The following EIF4G1 variants were observed in gnomAD, a reference collection of about 807,000 sequenced individuals.
EIF4G1 encodes the protein eukaryotic translation initiation factor 4 gamma 1.
EIF4G1 carries 4 observed loss-of-function variants against 187.8 expected under a neutral mutation model. The observed-to-expected ratio is 0.02, with a 90% CI of 0.01 to 0.05. The LOEUF is 0.05. Ranked by LOEUF, EIF4G1 falls within the 10% of genes least tolerant of loss-of-function variation. The probability of loss-of-function intolerance (pLI) is 1.00; values close to 1 mark genes in which losing one functional copy is unlikely to be tolerated. For synonymous variants in EIF4G1, 844 were observed against 781.4 expected (o/e 1.08, Z -1.34); for missense variants, 1,647 against 2,081.1 (o/e 0.79, Z 4.06).
At chr3:184,324,426 G>T in intron 17 of EIF4G1, 79 bp downstream of exon 17, 1 of 1,602,748 alleles carries the variant, frequency 6.2e-7, no homozygotes, top group South Asian at 1.1e-5. Flanking sequence ...TGTAGAATTT[G>T]GAATGGAGGT....
At chr3:184,331,154 A>G (rs1577255244) in intron 28 of EIF4G1, 112 bp from the exon 29 acceptor site, 1 of 1,154,224 alleles carries the variant, frequency 8.7e-7, no homozygotes, top group Admixed American at 1.7e-5. Flanking sequence ...CTTAATGCCT[A>G]GCAAGTACCT....
intron 26 of EIF4G1, 178 bp from the exon 27 acceptor site, chr3:184,328,452 GT>G: frequency 2.3e-6 from 2 of 880,114 alleles, no homozygotes; most frequent in Non-Finnish European, 3.7e-6. Flanking sequence ...ACTTTAGGGG[GT>G]TAAGCGGGGT....
Position 184,325,159 on chromosome 3 carries a change from G to C in EIF4G1, c.2856+45G>C. 2 of 1,604,132 alleles carry C rather than the reference G, an allele frequency of 1.2e-6. No individual in the cohort carries two copies. Among genetic ancestry groups the C allele is most frequent in the Non-Finnish European group, 1.7e-6 (2 of 1,170,982 alleles). ...GAGGGGGATGGGCTGAAGCATATGT[G>C]GGGCTCACTGAGCCCACAATGATGG... On this transcript the variant is annotated intron_variant, in intron 18 of 32. Coordinates refer to ENST00000346169, the MANE Select transcript of EIF4G1 (RefSeq NM_198241.3). This position sits in a 1 kb window ranked among gnomAD's most constrained non-coding sequence, Gnocchi z 5.2.
intron 6 of EIF4G1, among the ~76,000 whole-genome samples, chr3:184,318,186 C>T (rs917362101): frequency 6.6e-5 from 10 of 152,130 alleles, no homozygotes; most frequent in African/African-American, 2.4e-4. Context: ...TTAGTCTGTT[C>T]TTTATGGCAG....
rs1577233046 is a variant in EIF4G1 at position 184,326,874 on chromosome 3, T to A, written c.3326-7T>A. Reference sequence around the variant, plus strand: ...AAGATTTTAATACGGATTTTCTGCATCCCCAGCATCAGAAGCTGCTCGCCC... The same window carrying A: ...AAGATTTTAATACGGATTTTCTGCAACCCCAGCATCAGAAGCTGCTCGCCC... On this transcript the variant is annotated splice_region_variant and splice_polypyrimidine_tract_variant and intron_variant, in intron 22 of 32. Transcript: ENST00000346169. 6.2e-7 allele frequency: 1 copy of A among 1,614,048 alleles called. No homozygotes were observed. Among genetic ancestry groups the A allele is most frequent in the African/African-American group, 1.3e-5 (1 of 74,912 alleles).
Position 184,335,148 on chromosome 3 carries a change from C to T in EIF4G1, c.*240C>T, listed in dbSNP as rs182207566. On this transcript the variant is annotated 3_prime_UTR_variant, in exon 33 of 33. Coordinates refer to ENST00000346169, the MANE Select transcript of EIF4G1 (RefSeq NM_198241.3). ...CACAGAGATATATTATATATAAAGT[C>T]TTGAAATTTGGTGTGTCTTGGGGTG... The T allele has an allele frequency of 1.8e-6, 1 of 540,808 alleles. No individual in the cohort carries two copies. Among genetic ancestry groups the T allele is most frequent in the East Asian group, 3.3e-5 (1 of 30,498 alleles). The allele number at this position is 540,808 out of a possible 1,614,324, so 33.5% of individuals were successfully genotyped here. A position where few individuals can be genotyped will look rare whatever the true frequency, so the allele number is the denominator to read the frequency against.
In EIF4G1 at chr3:184,317,714, C is replaced by T; in HGVS notation, c.325-3C>T. On this transcript the variant is annotated splice_polypyrimidine_tract_variant and splice_region_variant and intron_variant, in intron 5 of 32. Coordinates refer to ENST00000346169, the MANE Select transcript of EIF4G1 (RefSeq NM_198241.3). ...TTCTCTCCCTCTCCCCCTTCCCCAC[C>T]AGGGGCGTTCCACATACGTTGTCCC... 2 of 1,613,488 alleles carry T rather than the reference C, an allele frequency of 1.2e-6. No homozygotes were observed. The highest frequency in any genetic ancestry group is 2.2e-5 in the South Asian group (2 of 91,068).
intron 6 of EIF4G1, among the ~76,000 whole-genome samples, chr3:184,318,750 G>A (rs1034554595): frequency 4.6e-5 from 7 of 151,870 alleles, no homozygotes; most frequent in Non-Finnish European, 1.0e-4. Context: ...GATTACAGGC[G>A]TGTGCCACCA....
At chr3:184,318,113 GC>G (rs1336261807) in intron 6 of EIF4G1, among the ~76,000 whole-genome samples, 4 of 152,184 alleles carry the variant, frequency 2.6e-5, no homozygotes, top group Non-Finnish European at 4.4e-5. Flanking sequence ...ATGGTTGGGA[GC>G]CCATGTAATG....
intron 3 of EIF4G1, 48 bp downstream of exon 3, chr3:184,315,904 G>C (rs1394127831): frequency 7.1e-7 from 1 of 1,405,020 alleles, no homozygotes; most frequent in South Asian, 1.2e-5. Flanking sequence ...AGACCAGGCA[G>C]TCTCCAGCCT....
At position 184,335,075 on chromosome 3, in the gene EIF4G1, G is replaced by C. The variant is rs1355306225; in HGVS notation, c.*167G>C. 6.7e-6 allele frequency: 6 copies of C among 892,164 alleles called. No individual in the cohort carries two copies. Among genetic ancestry groups the C allele is most frequent in the African/African-American group, 1.7e-5 (1 of 60,068 alleles). 55.3% of individuals were successfully genotyped at this position (892,164 alleles called of 1,614,324 possible). On this transcript the variant is annotated 3_prime_UTR_variant, in exon 33 of 33. Transcript: ENST00000346169. ...GAGGCAGGATGGCTTGGGGCTGCCT[G>C]GGCCCCCCTCCAGGATGCCGCCAGG...
Position 184,332,056 on chromosome 3 carries a change from G to T in EIF4G1, c.4588G>T (p.Ala1530Ser). 1 of 1,614,210 alleles carries T rather than the reference G, an allele frequency of 6.2e-7. No individual in the cohort carries two copies. The highest frequency in any genetic ancestry group is 8.5e-7 in the Non-Finnish European group (1 of 1,180,042). ...GCTACAGGCGCTCTACGCCCTCCAG[G>T]CCCTTGTAGTGACCTTAGAACAGCC... ...KELQALYALQ[A>S]LVVTLEQPPN... The change falls in exon 32 of 33, where the codon GCC becomes TCC. Residue 1530 changes from alanine to serine, a missense_variant. By Grantham distance (99) the Ala-to-Ser change is moderately conservative. Coordinates refer to ENST00000346169, the MANE Select transcript of EIF4G1 (RefSeq NM_198241.3).
chr3:184,326,976 G>A lies in EIF4G1; in HGVS notation c.3421G>A (p.Val1141Met), dbSNP rs779222762. The A allele has an allele frequency of 3.7e-6, 6 of 1,614,100 alleles. No individual in the cohort carries two copies. Among genetic ancestry groups the A allele is most frequent in the Middle Eastern group, 1.6e-4 (1 of 6,082 alleles). Residue 1141 changes from valine (V) to methionine (M), a missense_variant, in exon 23 of 33, where the codon GTG becomes ATG. By Grantham distance (21) the Val-to-Met change is conservative. Around this residue, in one of 11 missense-constraint regions of EIF4G1, gnomAD observed 543 missense variants for 638.0 expected, o/e 0.85. Transcript: ENST00000346169. ...AGAAAGCACAGATAATAGACGTGTG[G>A]TGCAGAGGTGAGGTTTCCTGGACAT... is the stretch of plus-strand genomic sequence containing the variant. Reference protein sequence around the residue: ...PTESTDNRRVVQRSSLSRERG... With the variant: ...PTESTDNRRVMQRSSLSRERG...
intron 2 of EIF4G1, 47 bp downstream of exon 2, chr3:184,315,592 A>G (rs1722623952): frequency 1.3e-6 from 1 of 769,862 alleles, no homozygotes; most frequent in Admixed American, 1.7e-5. Flanking sequence ...GTTGGAAGTG[A>G]TGCGGGTTTG....
chr3:184,332,786 A>G (rs1395095427), intron 32 of EIF4G1, among the ~76,000 whole-genome samples: 1 of 152,104 alleles, frequency 6.6e-6, no homozygotes, highest in Non-Finnish European at 1.5e-5. Flanking sequence ...GAAAAGAACT[A>G]TTAAAGAAAG....
rs1188906680 is a variant in EIF4G1, at chr3:184,322,745, G to A, written c.1795+15G>A. The A allele has an allele frequency of 1.9e-6, 3 of 1,614,084 alleles. No homozygotes were observed. Among genetic ancestry groups the A allele is most frequent in the African/African-American group, 1.3e-5 (1 of 74,910 alleles). ...ATATAAGTCAGGTATGCTGAAGAAA[G>A]GGTTGAGAATGGCTTGAGTTTTCTT... On this transcript the variant is annotated intron_variant, in intron 12 of 32. Transcript: ENST00000346169.
chr3:184,317,873 TCTG>T, intron 6 of EIF4G1, 57 bp downstream of exon 6: 4 of 1,293,150 alleles, frequency 3.1e-6, no homozygotes, highest in Non-Finnish European at 4.5e-6. Flanking sequence ...TCTAAACTCA[TCTG>T]CTGATTTCTA....
rs752865003 is a variant in EIF4G1, at chr3:184,322,550, C to A, written c.1615C>A (p.Pro539Thr). ...DLLDAFKEAN[P>T]AVPEVENQPP... The stretch of plus-strand genomic sequence containing the variant: ...GGATGTTCTGTTGTTCTAGGCGAAC[C>A]CGGCAGTACCAGAGGTGGAAAATCA... The change falls in exon 12 of 33, where the codon CCG becomes ACG. Residue 539 changes from proline (P) to threonine (T), a missense_variant. Around this residue, in one of 11 missense-constraint regions of EIF4G1, gnomAD observed 522 missense variants for 485.2 expected, o/e 1.08. Coordinates refer to ENST00000346169, the MANE Select transcript of EIF4G1 (RefSeq NM_198241.3). 1.9e-6 allele frequency: 3 copies of A among 1,614,016 alleles called. No individual in the cohort carries two copies. In the South Asian group the frequency reaches 3.3e-5, roughly 18 times the overall value.
Position 184,321,903 on chromosome 3 carries a change from C to T in EIF4G1, c.1319C>T (p.Ala440Val). ...ATGGCGCCCCCCACCATCCCCTCTGCTACTCCAGCTACGGCTCCTTCAGCT... is the reference window on the plus strand; with the variant it reads ...ATGGCGCCCCCCACCATCCCCTCTGTTACTCCAGCTACGGCTCCTTCAGCT... ...ASMAPPTIPS[A>V]TPATAPSATS... Residue 440 changes from alanine to valine, a missense_variant, in exon 10 of 33, where the codon GCT (alanine) becomes GTT (valine). Around this residue, in one of 11 missense-constraint regions of EIF4G1, gnomAD observed 522 missense variants for 485.2 expected, o/e 1.08. Coordinates refer to ENST00000346169, the MANE Select transcript of EIF4G1 (RefSeq NM_198241.3). 6.2e-7 allele frequency: 1 copy of T among 1,614,210 alleles called. No individual in the cohort carries two copies.
Sources: gnomAD v4.1 joint callset for allele counts (sites outside exome capture counted in the v4.1 genomes callset) on GRCh38, gnomAD v4.1.1 for gene constraint, gnomAD v4.1.1 regional missense constraint, Gnocchi (gnomAD v3.1) non-coding constraint, MANE v1.5 for transcripts, NCBI Gene and HGNC (gene_info 2026-07-23, HGNC 2026-07-21) for gene names.